The following SPOCK1 variants were observed in gnomAD, a reference collection of about 807,000 sequenced individuals.
SPOCK1 encodes the protein SPARC (osteonectin), cwcv and kazal like domains proteoglycan 1, also known as testican-1.
Under a neutral mutation model 55.3 loss-of-function variants are expected in SPOCK1, and 23 were observed. That is an observed-to-expected ratio of 0.42 (90% CI 0.30 to 0.59). The LOEUF is 0.59. Among genes scored for constraint, SPOCK1 ranks in the 20% least tolerant of loss-of-function variants. The pLI is 0.22. For missense variants in SPOCK1, 499 were observed against 552.5 expected, an observed-to-expected ratio of 0.90 and a Z score of 0.97; for synonymous variants, 226 against 221.0, an observed-to-expected ratio of 1.02 and a Z score of -0.20.
chr5:137,142,016 C>G (rs574819390), intron 3 of SPOCK1, among the ~76,000 whole-genome samples: 1 of 152,218 alleles, frequency 6.6e-6, no homozygotes, highest in Admixed American at 6.5e-5. Flanking sequence ...GGGGAATTCT[C>G]TGCAAAACAA....
At chr5:137,271,565 A>G (rs1756964564) in intron 2 of SPOCK1, among the ~76,000 whole-genome samples, 1 of 152,212 alleles carries the variant, frequency 6.6e-6, no homozygotes, top group Admixed American at 6.5e-5. Context: ...TTCATCACAG[A>G]TGATCATAGC....
rs1750595526 is a variant in SPOCK1 at position 136,975,502 on chromosome 5, C to T, written c.*3152G>A. 1 of 152,686 alleles carries T rather than the reference C, an allele frequency of 6.5e-6. No homozygotes were observed. Among genetic ancestry groups the T allele is most frequent in the South Asian group, 2.1e-4 (1 of 4,828 alleles). 9.5% of individuals were successfully genotyped at this position (152,686 alleles called of 1,614,324 possible). On this transcript the variant is annotated 3_prime_UTR_variant, in exon 11 of 11. Transcript: ENST00000394945. The stretch of plus-strand genomic sequence containing the variant: ...ACTGACACTCAGGATTTGATGGGCT[C>T]TCATTACAATGCTATACATTTAACA...
At chr5:137,078,766 C>T (rs1476720091) in intron 5 of SPOCK1, among the ~76,000 whole-genome samples, 1 of 152,152 alleles carries the variant, frequency 6.6e-6, no homozygotes. Context: ...CTCCTTCCTC[C>T]ATACCCCAAA....
intron 2 of SPOCK1, among the ~76,000 whole-genome samples, chr5:137,458,025 A>G (rs969516718): frequency 6.6e-6 from 1 of 152,230 alleles, no homozygotes; most frequent in African/African-American, 2.4e-5. Flanking sequence ...TGTCTTTTAA[A>G]GAGAGGTGGT....
At chr5:137,330,632 C>T (rs897094087) in intron 2 of SPOCK1, among the ~76,000 whole-genome samples, 1 of 152,200 alleles carries the variant, frequency 6.6e-6, no homozygotes, top group Non-Finnish European at 1.5e-5. Flanking sequence ...TATTGACAAA[C>T]TACTATGTGC....
At chr5:137,459,825 T>C (rs918802664) in intron 2 of SPOCK1, among the ~76,000 whole-genome samples, 11 of 152,146 alleles carry the variant, frequency 7.2e-5, no homozygotes, top group African/African-American at 2.4e-4. Context: ...ATATGAAAGA[T>C]ACTCATGAAT....
intron 2 of SPOCK1, among the ~76,000 whole-genome samples, chr5:137,364,218 T>C (rs1257732884): frequency 3.3e-5 from 5 of 152,164 alleles, no homozygotes; most frequent in African/African-American, 4.8e-5. Flanking sequence ...ATACCGAGAT[T>C]TGCAAGCAGT....
chr5:137,278,917 A>C (rs1865405), intron 2 of SPOCK1, among the ~76,000 whole-genome samples: 27,624 of 152,102 alleles, frequency 0.18, 2,682 homozygotes, highest in East Asian at 0.36. Context: ...ATTGAGGACC[A>C]ATGTACTAGT....
chr5:137,418,514 G>C (rs549213147), intron 2 of SPOCK1, among the ~76,000 whole-genome samples: 2 of 152,064 alleles, frequency 1.3e-5, no homozygotes, highest in Non-Finnish European at 2.9e-5. Flanking sequence ...GTGTGAGATG[G>C]TATCTCATTG....
rs1202890958 is a variant in SPOCK1 at position 137,419,233 on chromosome 5, G to T, written c.186+79140C>A. Among the ~76,000 whole-genome samples, 3 of 152,270 alleles carry T rather than the reference G, an allele frequency of 2.0e-5. No individual in the cohort carries two copies. The South Asian group carries it at 6.2e-4, about 32-fold the overall frequency. ...GTAGTATAGTTTGAAGTCAGGTAGG[G>T]TAATGCCTCCAGCTTTGTTCTTTTG... On this transcript the variant is annotated intron_variant, in intron 2 of 10. Coordinates refer to ENST00000394945, the MANE Select transcript of SPOCK1 (RefSeq NM_004598.4).
At chr5:137,070,261 A>G (rs1168795542) in intron 5 of SPOCK1, among the ~76,000 whole-genome samples, 1 of 152,246 alleles carries the variant, frequency 6.6e-6, no homozygotes, top group Non-Finnish European at 1.5e-5. Context: ...AGCCACAGCT[A>G]ACGCACAATG....
intron 2 of SPOCK1, among the ~76,000 whole-genome samples, chr5:137,423,709 T>A (rs1690350726): frequency 6.6e-6 from 1 of 152,212 alleles, no homozygotes; most frequent in African/African-American, 2.4e-5. Context: ...GGAAAGGGAA[T>A]TCCCTGACTC....
intron 3 of SPOCK1, among the ~76,000 whole-genome samples, chr5:137,152,197 C>T (rs1159103552): frequency 6.6e-6 from 1 of 152,198 alleles, no homozygotes; most frequent in Non-Finnish European, 1.5e-5. Flanking sequence ...TGTATTCTTG[C>T]TGTTTTTACG....
At chr5:137,110,234 T>C (rs557301555) in intron 5 of SPOCK1, among the ~76,000 whole-genome samples, 2 of 152,088 alleles carry the variant, frequency 1.3e-5, no homozygotes, top group African/African-American at 2.4e-5. Context: ...AAATTGACTT[T>C]GGGGTAGCAG....
intron 2 of SPOCK1, among the ~76,000 whole-genome samples, chr5:137,363,485 C>T (rs1750993047): frequency 2.0e-5 from 3 of 152,154 alleles, no homozygotes; most frequent in East Asian, 1.9e-4. Context: ...TGGTTAAGGG[C>T]ATAGAACCTG....
chr5:137,403,007 T>G (rs1752016063), intron 2 of SPOCK1, among the ~76,000 whole-genome samples: 1 of 152,256 alleles, frequency 6.6e-6, no homozygotes, highest in South Asian at 2.1e-4. Context: ...CTCAGAAATG[T>G]GCCAAAGGTC....
chr5:137,394,912 A>G (rs1254065279), intron 2 of SPOCK1, among the ~76,000 whole-genome samples: 2 of 152,184 alleles, frequency 1.3e-5, no homozygotes, highest in Non-Finnish European at 2.9e-5. Flanking sequence ...CTTTTTGGAT[A>G]TGTACAATGT....
intron 2 of SPOCK1, among the ~76,000 whole-genome samples, chr5:137,293,077 T>C (rs1464523054): frequency 1.3e-5 from 2 of 149,406 alleles, no homozygotes; most frequent in East Asian, 2.0e-4. Context: ...AATTCTGCAG[T>C]TGGTTTGTTG....
At chr5:137,331,946 GA>G (rs1421211714) in intron 2 of SPOCK1, among the ~76,000 whole-genome samples, 1 of 152,100 alleles carries the variant, frequency 6.6e-6, no homozygotes, top group African/African-American at 2.4e-5. Flanking sequence ...CTGACTTGTT[GA>G]AATAGAGCCA....
Sources: gnomAD v4.1 joint callset for allele counts (sites outside exome capture counted in the v4.1 genomes callset) on GRCh38, gnomAD v4.1.1 for gene constraint, MANE v1.5 for transcripts, NCBI Gene and HGNC (gene_info 2026-07-23, HGNC 2026-07-21) for gene names.